The following PLCB1 variants were observed in gnomAD, a reference collection of about 807,000 sequenced individuals.
The protein encoded by PLCB1 is phospholipase C beta 1.
Under a neutral mutation model 161.8 loss-of-function variants are expected in PLCB1, and 46 were observed. The observed-to-expected ratio is 0.28, with a 90% CI of 0.22 to 0.36. The LOEUF (loss-of-function observed/expected upper bound fraction) is 0.36. Among genes scored for constraint, PLCB1 ranks in the 10% least tolerant of loss-of-function variants. The pLI is 1.00. For synonymous variants in PLCB1, 517 were observed against 503.7 expected (o/e 1.03, Z -0.35); for missense variants, 1,016 against 1,472.5 (o/e 0.69, Z 5.07).
At chr20:8,498,585 C>T (rs573900722) in intron 3 of PLCB1, among the ~76,000 whole-genome samples, 78 of 152,194 alleles carry the variant, frequency 5.1e-4, no homozygotes, top group African/African-American at 1.7e-3. Flanking sequence ...GGGGAACATC[C>T]GGAAATAAGA....
intron 2 of PLCB1, among the ~76,000 whole-genome samples, chr20:8,260,960 G>A (rs1465224010): frequency 1.3e-5 from 2 of 152,136 alleles, no homozygotes; most frequent in South Asian, 2.1e-4. Context: ...GTCAGCGACC[G>A]AAAAATGCAG....
chr20:8,805,797 G>A (rs1378830453), intron 31 of PLCB1, among the ~76,000 whole-genome samples: 3 of 152,208 alleles, frequency 2.0e-5, no homozygotes, highest in African/African-American at 4.8e-5. Context: ...TGATCTAGAT[G>A]TCAAAGTAGG....
intron 2 of PLCB1, among the ~76,000 whole-genome samples, chr20:8,193,521 A>T (rs1259272991): frequency 6.6e-6 from 1 of 152,020 alleles, no homozygotes; most frequent in Non-Finnish European, 1.5e-5. Flanking sequence ...ATATATTTGC[A>T]TAAAGGAACT....
rs111888522 is a variant in PLCB1, at chr20:8,792,884, CAT to C, written c.3423+2624_3423+2625del. The C allele has an allele frequency of 6.6e-3, 2,103 of 320,930 alleles. 43 individuals are homozygous for C. The highest frequency in any genetic ancestry group is 0.041 in the African/African-American group (1,895 of 46,450). 19.9% of individuals were successfully genotyped at this position (320,930 alleles called of 1,614,324 possible). On this transcript the variant is annotated intron_variant, in intron 31 of 31. Transcript: ENST00000338037. The stretch of plus-strand genomic sequence containing the variant: ...TAAAAGAACAAAATCAAGTGTGAGA[CAT>C]GTGAAGAAAGACCAAAGCACAGGAC...
At chr20:8,430,474 T>A (rs1012851689) in intron 3 of PLCB1, among the ~76,000 whole-genome samples, 1 of 149,866 alleles carries the variant, frequency 6.7e-6, no homozygotes, top group Non-Finnish European at 1.5e-5. Flanking sequence ...TTACCTTGCC[T>A]GGGAACAGGA....
intron 2 of PLCB1, among the ~76,000 whole-genome samples, chr20:8,225,799 C>T (rs762951272): frequency 6.6e-6 from 1 of 152,190 alleles, no homozygotes; most frequent in Non-Finnish European, 1.5e-5. Context: ...GGGACAGTGA[C>T]TTTAAGGATA....
chr20:8,764,125 C>T (rs1303399399), intron 25 of PLCB1, among the ~76,000 whole-genome samples: 1 of 152,074 alleles, frequency 6.6e-6, no homozygotes, highest in East Asian at 2.0e-4. Context: ...TGAGATCACG[C>T]CACTGCACTC....
intron 31 of PLCB1, among the ~76,000 whole-genome samples, chr20:8,872,026 C>T (rs1987625964): frequency 6.6e-6 from 1 of 152,126 alleles, no homozygotes; most frequent in African/African-American, 2.4e-5. Flanking sequence ...GCATTCTAAA[C>T]CCTATGTGGA....
At chr20:8,643,677 C>T (rs1037352157) in intron 4 of PLCB1, among the ~76,000 whole-genome samples, 15 of 151,962 alleles carry the variant, frequency 9.9e-5, no homozygotes, top group Non-Finnish European at 2.1e-4. Flanking sequence ...ATCACGAGGT[C>T]GGGAGATCGA....
chr20:8,427,325 A>C (rs1979828329), intron 3 of PLCB1, among the ~76,000 whole-genome samples: 1 of 152,198 alleles, frequency 6.6e-6, no homozygotes, highest in Non-Finnish European at 1.5e-5. Context: ...CCAAGCAGAA[A>C]ATCTAAAAGG....
At chr20:8,546,074 T>C (rs1600143436) in intron 3 of PLCB1, among the ~76,000 whole-genome samples, 1 of 152,102 alleles carries the variant, frequency 6.6e-6, no homozygotes, top group Non-Finnish European at 1.5e-5. Flanking sequence ...CCCAGCACTT[T>C]GGGAGGCCGA....
At chr20:8,367,364 T>C (rs2122325208) in intron 2 of PLCB1, among the ~76,000 whole-genome samples, 1 of 152,308 alleles carries the variant, frequency 6.6e-6, no homozygotes, top group Non-Finnish European at 1.5e-5. Context: ...TTATTTGAGA[T>C]GCAGATTCTC....
intron 3 of PLCB1, among the ~76,000 whole-genome samples, chr20:8,623,644 T>TA (rs917147570): frequency 2.8e-4 from 43 of 151,284 alleles, no homozygotes; most frequent in Middle Eastern, 3.4e-3. Context: ...TCCCTCTAGT[T>TA]AAAAAAAAAT....
chr20:8,494,280 T>C (rs1983069221), intron 3 of PLCB1, among the ~76,000 whole-genome samples: 1 of 152,242 alleles, frequency 6.6e-6, no homozygotes, highest in Admixed American at 6.5e-5. Flanking sequence ...TCACTTCTTT[T>C]TCTCTAGATC....
chr20:8,202,736 T>G (rs1978327919), intron 2 of PLCB1, among the ~76,000 whole-genome samples: 1 of 151,834 alleles, frequency 6.6e-6, no homozygotes, highest in African/African-American at 2.4e-5. Flanking sequence ...TGGTGGGAGG[T>G]AGATGGTTTG....
chr20:8,627,012 T>C (rs1383019274), intron 3 of PLCB1, among the ~76,000 whole-genome samples: 17 of 152,206 alleles, frequency 1.1e-4, no homozygotes. Context: ...TTCTGGGTCA[T>C]GCAAATTGAT....
intron 2 of PLCB1, among the ~76,000 whole-genome samples, chr20:8,291,052 A>T (rs558434804): frequency 6.6e-6 from 1 of 152,106 alleles, no homozygotes; most frequent in African/African-American, 2.4e-5. Context: ...AAAAAAAAAA[A>T]AAAGAAATGA....
chr20:8,657,655 C>T (rs1032079145), intron 8 of PLCB1, among the ~76,000 whole-genome samples: 4 of 151,942 alleles, frequency 2.6e-5, no homozygotes, highest in Admixed American at 1.3e-4. Context: ...GCCACATTAG[C>T]GACATGAGAA....
At chr20:8,321,713 T>C (rs1984927969) in intron 2 of PLCB1, among the ~76,000 whole-genome samples, 1 of 152,150 alleles carries the variant, frequency 6.6e-6, no homozygotes, top group Non-Finnish European at 1.5e-5. Flanking sequence ...TGTTACCAAG[T>C]CACCAAAATA....
Sources: gnomAD v4.1 joint callset for allele counts (sites outside exome capture counted in the v4.1 genomes callset) on GRCh38, gnomAD v4.1.1 for gene constraint, MANE v1.5 for transcripts, NCBI Gene and HGNC (gene_info 2026-07-23, HGNC 2026-07-21) for gene names.